TSPAN18: variants seen among roughly 807,000 people sequenced by gnomAD.
TSPAN18 encodes the protein tetraspanin 18.
TSPAN18 carries 14 observed loss-of-function variants against 27.3 expected under a neutral mutation model. The observed-to-expected ratio is 0.51, with a 90% confidence interval of 0.34 to 0.80. TSPAN18 has a LOEUF of 0.80. Ranked by LOEUF, TSPAN18 falls within the 30% of genes least tolerant of loss-of-function variation. The probability of loss-of-function intolerance (pLI) is 0.01; values close to 1 mark genes in which losing one functional copy is unlikely to be tolerated. For missense variants in TSPAN18, 268 were observed against 323.9 expected (o/e 0.83, Z 1.32); for synonymous variants, 143 against 136.5 (o/e 1.05, Z -0.33).
intron 2 of TSPAN18, among the ~76,000 whole-genome samples, chr11:44,837,059 T>C (rs1857278772): frequency 6.6e-6 from 1 of 152,214 alleles, no homozygotes; most frequent in African/African-American, 2.4e-5. Flanking sequence ...CATTTCAACT[T>C]TCAAGTCTTC....
intron 1 of TSPAN18, among the ~76,000 whole-genome samples, chr11:44,748,024 T>G (rs1228662450): frequency 6.6e-6 from 1 of 152,236 alleles, no homozygotes; most frequent in Non-Finnish European, 1.5e-5. Context: ...GCTCTGTGGC[T>G]GTGTGATATG....
At chr11:44,770,605 G>T (rs1164712666) in intron 2 of TSPAN18, among the ~76,000 whole-genome samples, 2 of 152,120 alleles carry the variant, frequency 1.3e-5, no homozygotes, top group Non-Finnish European at 2.9e-5. Flanking sequence ...CTCTAAGTTT[G>T]GCAGGAAGCC....
At chr11:44,737,217 G>A (rs1854818079) in intron 1 of TSPAN18, among the ~76,000 whole-genome samples, 1 of 152,188 alleles carries the variant, frequency 6.6e-6, no homozygotes, top group South Asian at 2.1e-4. Context: ...GCCGTAGAAT[G>A]CCATGAAAAT....
intron 2 of TSPAN18, among the ~76,000 whole-genome samples, chr11:44,787,521 A>G (rs1856087599): frequency 6.6e-6 from 1 of 152,152 alleles, no homozygotes; most frequent in Non-Finnish European, 1.5e-5. Flanking sequence ...ACAGAGTGGG[A>G]AGGCAGCAGG....
Position 44,929,312 on chromosome 11 carries a change from G to A in TSPAN18, c.*134G>A. The A allele has an allele frequency of 1.8e-6, 2 of 1,087,178 alleles. No homozygotes were observed. Among genetic ancestry groups the A allele is most frequent in the Non-Finnish European group, 2.7e-6 (2 of 739,750 alleles). 67.3% of individuals were successfully genotyped at this position (1,087,178 alleles called of 1,614,324 possible). A position where few individuals can be genotyped will look rare whatever the true frequency, so the allele number is the denominator to read the frequency against. On this transcript the variant is annotated 3_prime_UTR_variant, in exon 10 of 10. Coordinates refer to ENST00000520358, the MANE Select transcript of TSPAN18 (RefSeq NM_130783.5). The stretch of plus-strand genomic sequence containing the variant: ...GCCATCAGAGATGGCCAGGAGAAGG[G>A]CCAGGGGAATAGAGCTATTTTTTTA...
At chr11:44,827,056 G>T (rs915098952) in intron 2 of TSPAN18, among the ~76,000 whole-genome samples, 1 of 152,194 alleles carries the variant, frequency 6.6e-6, no homozygotes, top group African/African-American at 2.4e-5. Context: ...GGCCCTGACT[G>T]GATGTCTGGC....
chr11:44,806,713 T>G (rs893473717), intron 2 of TSPAN18, among the ~76,000 whole-genome samples: 8 of 152,216 alleles, frequency 5.3e-5, no homozygotes, highest in African/African-American at 1.7e-4. Context: ...GAAAGAACAT[T>G]TTCTGATTCC....
intron 3 of TSPAN18, among the ~76,000 whole-genome samples, chr11:44,902,793 G>C (rs1388893778): frequency 6.6e-6 from 1 of 152,194 alleles, no homozygotes; most frequent in African/African-American, 2.4e-5. Context: ...GGGGCATTAG[G>C]GGGGCCTGTC....
chr11:44,836,291 T>TA (rs1435756443), intron 2 of TSPAN18, among the ~76,000 whole-genome samples: 6 of 152,158 alleles, frequency 3.9e-5, no homozygotes, highest in Admixed American at 3.3e-4. Context: ...TGGAGAAAGT[T>TA]TTAGTTGTCT....
intron 2 of TSPAN18, among the ~76,000 whole-genome samples, chr11:44,805,363 T>C (rs1856570119): frequency 6.6e-6 from 1 of 152,126 alleles, no homozygotes; most frequent in African/African-American, 2.4e-5. Flanking sequence ...GATGCAGAAG[T>C]AAATACATAT....
At chr11:44,731,596 TTGTGTGTG>T (rs796756282) in intron 1 of TSPAN18, among the ~76,000 whole-genome samples, 5 of 117,984 alleles carry the variant, frequency 4.2e-5, no homozygotes, top group African/African-American at 6.0e-5. Flanking sequence ...GGGGCCTGGA[TTGTGTGTG>T]TGTGTGTGTG....
chr11:44,767,120 G>T (rs1291189867), intron 2 of TSPAN18, among the ~76,000 whole-genome samples: 1 of 152,172 alleles, frequency 6.6e-6, no homozygotes, highest in Non-Finnish European at 1.5e-5. Context: ...CTCCTTCTGT[G>T]TGAGGTCTAA....
At chr11:44,729,171 G>GGAGGAGA (rs1374744803) in intron 1 of TSPAN18, among the ~76,000 whole-genome samples, 1 of 152,234 alleles carries the variant, frequency 6.6e-6, no homozygotes, top group Non-Finnish European at 1.5e-5. Context: ...TAGAAGAGGA[G>GGAGGAGA]GAGGAGAGAG....
chr11:44,804,577 A>G (rs989398072), intron 2 of TSPAN18, among the ~76,000 whole-genome samples: 1 of 152,174 alleles, frequency 6.6e-6, no homozygotes, highest in African/African-American at 2.4e-5. Flanking sequence ...TCAGTTCAGC[A>G]CAGAGCCTGG....
At chr11:44,753,435 G>T (rs911774896) in intron 1 of TSPAN18, among the ~76,000 whole-genome samples, 1 of 152,128 alleles carries the variant, frequency 6.6e-6, no homozygotes, top group Non-Finnish European at 1.5e-5. Flanking sequence ...CTCAGCCAGC[G>T]CATCCATTTT....
chr11:44,919,119 C>T (rs551613845), intron 6 of TSPAN18, 95 bp from the exon 7 acceptor site: 150 of 1,012,110 alleles, frequency 1.5e-4, no homozygotes, highest in Non-Finnish European at 2.1e-4. Context: ...AGCTCTCATT[C>T]CCCCAACTCC....
chr11:44,870,753 G>A (rs967156788), intron 3 of TSPAN18, among the ~76,000 whole-genome samples: 13 of 152,098 alleles, frequency 8.5e-5, no homozygotes, highest in African/African-American at 2.7e-4. Context: ...TAAACCCCAC[G>A]TCTTTTTTAT....
At chr11:44,897,954 C>A in intron 3 of TSPAN18, 1 of 982,004 alleles carries the variant, frequency 1.0e-6, no homozygotes, top group Non-Finnish European at 1.4e-6. Flanking sequence ...CGGTCTTTCC[C>A]TCTCTTTCTG....
rs576141779 is a variant in TSPAN18 at position 44,892,083 on chromosome 11, CG to C, written c.-10-14320del. Among the ~76,000 whole-genome samples the C allele has an allele frequency of 1.2e-3, 187 of 152,216 alleles. 1 individual carries two copies. Among genetic ancestry groups the C allele is most frequent in the African/African-American group, 4.2e-3 (175 of 41,532 alleles). ...CCTTCCCCAAGGCTGTGGGAGGCTGCGGGGCTGTCTGCTCTCCCCACAGCAG... is the reference window on the plus strand; with the variant it reads ...CCTTCCCCAAGGCTGTGGGAGGCTGCGGGCTGTCTGCTCTCCCCACAGCAG... On this transcript the variant is annotated intron_variant, in intron 3 of 9. Coordinates refer to ENST00000520358, the MANE Select transcript of TSPAN18 (RefSeq NM_130783.5).
Sources: gnomAD v4.1 joint callset for allele counts (sites outside exome capture counted in the v4.1 genomes callset) on GRCh38, gnomAD v4.1.1 for gene constraint, MANE v1.5 for transcripts, NCBI Gene and HGNC (gene_info 2026-07-23, HGNC 2026-07-21) for gene names.